FAP: variants seen among roughly 807,000 people sequenced by gnomAD.
The protein encoded by FAP is fibroblast activation protein alpha.
Under a neutral mutation model 126.5 loss-of-function variants are expected in FAP, and 110 were observed. That is an observed-to-expected ratio of 0.87 (90% CI 0.74 to 1.02). The LOEUF is 1.02. FAP is among the 50% of genes least tolerant of loss of function. FAP has a pLI of 0.00. For missense variants in FAP, 919 were observed against 909.2 expected, an observed-to-expected ratio of 1.01 and a Z score of -0.14; for synonymous variants, 334 against 297.3, an observed-to-expected ratio of 1.12 and a Z score of -1.27.
chr2:162,197,619 G>A (rs1305741270), intron 16 of FAP: 1 of 456,554 alleles, frequency 2.2e-6, no homozygotes, highest in South Asian at 1.5e-5. Flanking sequence ...GCTTATTCAT[G>A]TCCACGTAGT....
chr2:162,236,317 T>C (rs1487188925), intron 2 of FAP, among the ~76,000 whole-genome samples: 1 of 152,200 alleles, frequency 6.6e-6, no homozygotes, highest in Admixed American at 6.5e-5. Context: ...TAATACCTTA[T>C]AGAATGAGTT....
In FAP at chr2:162,188,243, T is replaced by G; in HGVS notation, c.1740A>C (p.Gln580His). ...ALVDGRGTAF[Q>H]GDKLLYAVYR... ...ACACTGCATAGAGGAGTTTGTCACC[T>G]TGGAAAGCTGTTCCTCGACCATCCA... The change falls in exon 20 of 26, where the codon CAA becomes CAC. Residue 580 changes from glutamine to histidine, a missense_variant. Physicochemically the swap from Gln to His is conservative, Grantham distance 24 (BLOSUM62 0). Coordinates refer to ENST00000188790, the MANE Select transcript of FAP (RefSeq NM_004460.5). The G allele has an allele frequency of 1.2e-6, 2 of 1,613,402 alleles. No homozygotes were observed. The highest frequency in any genetic ancestry group is 1.7e-4 in the Middle Eastern group (1 of 6,060).
chr2:162,176,723 A>G (rs1203447423), intron 21 of FAP: 1 of 152,148 alleles, frequency 6.6e-6, no homozygotes, highest in Non-Finnish European at 1.5e-5. Flanking sequence ...GCAAGTAAAA[A>G]TACTGGGTCC....
In FAP at chr2:162,218,051, C is replaced by G. The variant is rs1689222486; in HGVS notation, c.697G>C (p.Val233Leu). Residue 233 changes from valine (V) to leucine (L), a missense_variant, in exon 9 of 26, where the codon GTT becomes CTT. Coordinates refer to ENST00000188790, the MANE Select transcript of FAP (RefSeq NM_004460.5). ...TCGCCATAATAGGAATAGGCAATAACTGGTATATCCGTATCATTAAATTCC... is the reference window on the plus strand; with the variant it reads ...TCGCCATAATAGGAATAGGCAATAAGTGGTATATCCGTATCATTAAATTCC... The part of the protein sequence containing the change: ...YAEFNDTDIP[V>L]IAYSYYGDEQ... 6.2e-7 allele frequency: 1 copy of G among 1,605,468 alleles called. No individual in the cohort carries two copies. The highest frequency in any genetic ancestry group is 1.1e-5 in the South Asian group (1 of 90,138).
chr2:162,196,521 T>TC (rs1559770847), intron 16 of FAP, among the ~76,000 whole-genome samples: 1 of 148,738 alleles, frequency 6.7e-6, no homozygotes, highest in East Asian at 2.0e-4. Flanking sequence ...TGCATATCTT[T>TC]TTTTTTTTTT....
At chr2:162,222,123 T>A (rs1576185775) in intron 6 of FAP, among the ~76,000 whole-genome samples, 2 of 152,344 alleles carry the variant, frequency 1.3e-5, no homozygotes, top group Admixed American at 1.3e-4. Context: ...GATTATCATC[T>A]TTTTGAATGC....
rs1689549807 is a variant in FAP at position 162,224,473 on chromosome 2, T to G, written c.353A>C (p.Tyr118Ser). ...AAATTAAATAGTTGATACCTTTGAA[T>G]AATCACTTTCTAGATATACAAATTG... ...DRQFVYLESD[Y>S]SKLWRYSYTA... is the part of the protein sequence containing the mutation. Residue 118 changes from tyrosine (Y) to serine (S), a missense_variant, in exon 5 of 26, where the codon TAT (tyrosine) becomes TCT (serine). By Grantham distance (144) the Tyr-to-Ser change is moderately radical. Transcript: ENST00000188790. 1 of 1,579,638 alleles carries G rather than the reference T, an allele frequency of 6.3e-7. No individual in the cohort carries two copies. The highest frequency in any genetic ancestry group is 1.2e-5 in the South Asian group (1 of 86,618).
At chr2:162,214,096 T>C (rs1689070437) in intron 10 of FAP, 23 bp from the exon 11 acceptor site, 1 of 1,612,006 alleles carries the variant, frequency 6.2e-7, no homozygotes, top group Non-Finnish European at 8.5e-7. Context: ...TAGAAACAGG[T>C]AGTCACAACC....
chr2:162,176,540 T>C (rs1201774206), intron 21 of FAP: 1 of 152,194 alleles, frequency 6.6e-6, no homozygotes, highest in Non-Finnish European at 1.5e-5. Flanking sequence ...AAACTTTCAC[T>C]TATAATTTAA....
chr2:162,236,563 T>C (rs569543639), intron 2 of FAP, among the ~76,000 whole-genome samples: 3 of 152,236 alleles, frequency 2.0e-5, no homozygotes, highest in Non-Finnish European at 4.4e-5. Flanking sequence ...TCTTTCTGTG[T>C]GCCTATTTCA....
At chr2:162,234,935 G>A (rs1022570919) in intron 2 of FAP, among the ~76,000 whole-genome samples, 2 of 152,154 alleles carry the variant, frequency 1.3e-5, no homozygotes, top group African/African-American at 4.8e-5. Flanking sequence ...CGTGGGCTTG[G>A]TGGGCCCCAC....
intron 3 of FAP, among the ~76,000 whole-genome samples, 183 bp downstream of exon 3, chr2:162,226,340 G>A (rs925355244): frequency 1.1e-4 from 16 of 151,990 alleles, no homozygotes; most frequent in African/African-American, 2.9e-4. Context: ...TTACTATGGC[G>A]CAAATCCAGT....
At chr2:162,179,800 AT>A (rs1687625627) in intron 21 of FAP, among the ~76,000 whole-genome samples, 1 of 138,004 alleles carries the variant, frequency 7.2e-6, no homozygotes, top group Non-Finnish European at 1.5e-5. Context: ...CTATATATAT[AT>A]ATATATATAT....
At chr2:162,180,149 T>C (rs1687648308) in intron 21 of FAP, among the ~76,000 whole-genome samples, 1 of 151,730 alleles carries the variant, frequency 6.6e-6, no homozygotes, top group South Asian at 2.1e-4. Flanking sequence ...TGGCAAGAGA[T>C]GAGATTGGAA....
chr2:162,200,532 CAT>C lies in FAP; in HGVS notation c.1277+32_1277+33del, dbSNP rs547972312. 1.7e-4 allele frequency: 208 copies of C among 1,218,876 alleles called. No individual in the cohort carries two copies. In the African/African-American group the frequency reaches 3.0e-3, roughly 17 times the overall value. 75.5% of individuals were successfully genotyped at this position (1,218,876 alleles called of 1,614,324 possible). A position where few individuals can be genotyped will look rare whatever the true frequency, so the allele number is the denominator to read the frequency against. ...GACTTTTTATATTAAAATATCAACA[CAT>C]AGAAATACCAGAATGAATGGACATA... On this transcript the variant is annotated intron_variant, in intron 15 of 25. Coordinates refer to ENST00000188790, the MANE Select transcript of FAP (RefSeq NM_004460.5).
intron 2 of FAP, among the ~76,000 whole-genome samples, chr2:162,237,169 A>C (rs1690170380): frequency 1.3e-5 from 2 of 152,256 alleles, no homozygotes; most frequent in South Asian, 4.1e-4. Flanking sequence ...ACTGGTTAGT[A>C]TTTGACTGTC....
intron 23 of FAP, 113 bp downstream of exon 23, chr2:162,173,610 A>G (rs1187585533): frequency 4.0e-6 from 3 of 747,008 alleles, no homozygotes; most frequent in Non-Finnish European, 7.0e-6. Flanking sequence ...TTAACAAAAG[A>G]TGATATTTGC....
chr2:162,225,540 T>A lies in FAP; in HGVS notation c.228A>T (p.Ile76=), dbSNP rs1689608844. 7 of 1,599,216 alleles carry A rather than the reference T, an allele frequency of 4.4e-6. No individual in the cohort carries two copies. Among genetic ancestry groups the A allele is most frequent in the African/African-American group, 1.3e-5 (1 of 74,320 alleles). ...GTCCTGTTTCAATATTATAAAGTACTATATTGTTATCTGCAGATTGATGAA... is the reference window on the plus strand; with the variant it reads ...GTCCTGTTTCAATATTATAAAGTACAATATTGTTATCTGCAGATTGATGAA... The part of the protein sequence containing the change: ...EYLHQSADNN[I]VLYNIETGQS... Residue 76 remains isoleucine, a synonymous_variant, in exon 4 of 26, where the codon ATA becomes ATT. Coordinates refer to ENST00000188790, the MANE Select transcript of FAP (RefSeq NM_004460.5).
chr2:162,171,662 C>T (rs1576126342), intron 25 of FAP: 1 of 152,204 alleles, frequency 6.6e-6, no homozygotes, highest in Admixed American at 6.5e-5. Flanking sequence ...TTATTGCTTT[C>T]ACTGAATAAA....
Sources: gnomAD v4.1 joint callset for allele counts (sites outside exome capture counted in the v4.1 genomes callset) on GRCh38, gnomAD v4.1.1 for gene constraint, MANE v1.5 for transcripts, NCBI Gene and HGNC (gene_info 2026-07-23, HGNC 2026-07-21) for gene names.